The following PDCL2 variants were observed in gnomAD, a reference collection of about 807,000 sequenced individuals.
The protein encoded by PDCL2 is phosducin-like protein 2.
PDCL2 carries 23 observed loss-of-function variants against 30.3 expected under a neutral mutation model. That is an observed-to-expected ratio of 0.76 (90% CI 0.55 to 1.08). The LOEUF is 1.08. Among genes scored for constraint, PDCL2 ranks in the 50% least tolerant of loss-of-function variants. The pLI is 0.00. For missense variants in PDCL2, 243 were observed against 282.3 expected (o/e 0.86, Z 1.00); for synonymous variants, 68 against 86.2 (o/e 0.79, Z 1.17).
At chr4:55,577,112 G>A (rs1222519322) in intron 3 of PDCL2, among the ~76,000 whole-genome samples, 1 of 152,166 alleles carries the variant, frequency 6.6e-6, no homozygotes, top group African/African-American at 2.4e-5. Context: ...GGCCAGGCTG[G>A]TTCGAACTCC....
At chr4:55,571,876 A>G (rs1732435460) in intron 3 of PDCL2, among the ~76,000 whole-genome samples, 1 of 151,322 alleles carries the variant, frequency 6.6e-6, no homozygotes, top group South Asian at 2.1e-4. Context: ...ACTGGCCCAG[A>G]TATTTGGAAC....
chr4:55,583,889 G>A (rs978369826), intron 1 of PDCL2, among the ~76,000 whole-genome samples: 2 of 152,142 alleles, frequency 1.3e-5, no homozygotes, highest in Non-Finnish European at 2.9e-5. Flanking sequence ...GCTATTCAGA[G>A]TTTTTTGTAG....
intron 5 of PDCL2, among the ~76,000 whole-genome samples, chr4:55,558,608 C>G (rs893424088): frequency 6.6e-6 from 1 of 152,120 alleles, no homozygotes; most frequent in African/African-American, 2.4e-5. Flanking sequence ...TCAAATGATA[C>G]ACAAAAGCCC....
chr4:55,578,909 T>C (rs1234711045), intron 3 of PDCL2, among the ~76,000 whole-genome samples: 1 of 152,216 alleles, frequency 6.6e-6, no homozygotes, highest in Non-Finnish European at 1.5e-5. Flanking sequence ...TCACTGGATC[T>C]TACCCATAGG....
At chr4:55,565,141 A>G (rs911415554) in intron 4 of PDCL2, among the ~76,000 whole-genome samples, 1 of 152,020 alleles carries the variant, frequency 6.6e-6, no homozygotes, top group African/African-American at 2.4e-5. Context: ...TTCCTCAATT[A>G]CTCCTGCAGG....
intron 3 of PDCL2, among the ~76,000 whole-genome samples, chr4:55,578,026 C>T (rs954494027): frequency 7.9e-5 from 12 of 152,086 alleles, no homozygotes; most frequent in Non-Finnish European, 1.6e-4. Flanking sequence ...TTTGTGCTGG[C>T]GATCATTCTG....
In PDCL2 at chr4:55,569,727, T is replaced by C. The variant is rs1233766933; in HGVS notation, c.353A>G (p.Tyr118Cys). The change falls in exon 4 of 6, where the codon TAC (tyrosine) becomes TGC (cysteine). Residue 118 changes from tyrosine to cysteine, a missense_variant. Physicochemically the swap from Tyr to Cys is radical, Grantham distance 194. Transcript: ENST00000295645. ...ATATTATGGTAATTACCTTGATCTG[T>C]ATAGATGAATTATAACCCACACATC... ...EEDVWVIIHL[Y>C]RSSIPMCLLV... The C allele has an allele frequency of 6.5e-7, 1 of 1,548,150 alleles. No individual in the cohort carries two copies. The highest frequency in any genetic ancestry group is 8.7e-7 in the Non-Finnish European group (1 of 1,145,646).
intron 5 of PDCL2, among the ~76,000 whole-genome samples, chr4:55,561,423 T>C (rs532164156): frequency 6.6e-6 from 1 of 151,828 alleles, no homozygotes; most frequent in Admixed American, 6.6e-5. Context: ...ATTAGCCAGG[T>C]GTGGTGGTGG....
At position 55,569,760 on chromosome 4, in the gene PDCL2, G is replaced by T; in HGVS notation, c.320C>A (p.Ala107Glu). The change falls in exon 4 of 6, where the codon GCA (alanine) becomes GAA (glutamate). Residue 107 changes from alanine to glutamate, a missense_variant. By Grantham distance (107) the Ala-to-Glu change is moderately radical. Coordinates refer to ENST00000295645, the MANE Select transcript of PDCL2 (RefSeq NM_152401.3). ...GNQYVNEVTN[A>E]EEDVWVIIHL... ...AATTATAACCCACACATCTTCTTCT[G>T]CATTTGTGACTTCATTCACATACTG... 6.4e-7 allele frequency: 1 copy of T among 1,565,410 alleles called. No individual in the cohort carries two copies. The highest frequency in any genetic ancestry group is 8.7e-7 in the Non-Finnish European group (1 of 1,154,544).
intron 5 of PDCL2, among the ~76,000 whole-genome samples, chr4:55,558,970 G>A (rs1732053676): frequency 6.6e-6 from 1 of 151,906 alleles, no homozygotes; most frequent in Admixed American, 6.6e-5. Flanking sequence ...ATGACAAAAT[G>A]GACAAAGTAT....
At chr4:55,581,195 T>A (rs1732700558) in intron 2 of PDCL2, among the ~76,000 whole-genome samples, 1 of 152,102 alleles carries the variant, frequency 6.6e-6, no homozygotes, top group Non-Finnish European at 1.5e-5. Flanking sequence ...CTCGGGAGGC[T>A]GAGGCAGGAG....
At position 55,592,187 on chromosome 4, in the gene PDCL2, C is replaced by T; in HGVS notation, c.-78G>A. ...GCCACGGATGGAGACCCGCAGCCTT[C>T]TCCAGGCTGGAAGAGCGCCCGCTTC... On this transcript the variant is annotated 5_prime_UTR_variant, in exon 1 of 6. Coordinates refer to ENST00000295645, the MANE Select transcript of PDCL2 (RefSeq NM_152401.3). 5 of 1,578,090 alleles carry T rather than the reference C, an allele frequency of 3.2e-6. No individual in the cohort carries two copies. Among genetic ancestry groups the T allele is most frequent in the Non-Finnish European group, 3.4e-6 (4 of 1,161,952 alleles).
chr4:55,573,607 C>T (rs535817002), intron 3 of PDCL2, among the ~76,000 whole-genome samples: 95 of 151,990 alleles, frequency 6.3e-4, no homozygotes, highest in African/African-American at 2.2e-3. Flanking sequence ...AAAAATTAGC[C>T]GGGCGTGGTA....
intron 3 of PDCL2, among the ~76,000 whole-genome samples, chr4:55,575,352 T>C (rs1472837991): frequency 1.4e-5 from 2 of 146,796 alleles, no homozygotes; most frequent in African/African-American, 5.1e-5. Context: ...ATAGGACAAC[T>C]GCAATGATCA....
intron 4 of PDCL2, among the ~76,000 whole-genome samples, chr4:55,563,072 C>T (rs28514423): frequency 0.41 from 63,019 of 152,004 alleles, 14,664 homozygotes; most frequent in African/African-American, 0.63. Context: ...TTCTTCCAGT[C>T]TTTGGAATCC....
At chr4:55,573,584 T>C (rs1436697496) in intron 3 of PDCL2, among the ~76,000 whole-genome samples, 2 of 151,976 alleles carry the variant, frequency 1.3e-5, no homozygotes, top group African/African-American at 2.4e-5. Flanking sequence ...ATGCTGTCTC[T>C]ACCAAAAAAT....
At chr4:55,565,988 T>G (rs1430163344) in intron 4 of PDCL2, among the ~76,000 whole-genome samples, 4 of 136,616 alleles carry the variant, frequency 2.9e-5, no homozygotes, top group Non-Finnish European at 4.7e-5. Context: ...TTTTTTTTTT[T>G]TTTTTTTTTT....
intron 1 of PDCL2, 95 bp from the exon 2 acceptor site, chr4:55,582,332 A>G: frequency 2.3e-6 from 3 of 1,330,588 alleles, no homozygotes; most frequent in Middle Eastern, 1.9e-4. Flanking sequence ...CAAGTATTCA[A>G]TTGTTCATGA....
At chr4:55,588,859 T>C (rs1377202576) in intron 1 of PDCL2, among the ~76,000 whole-genome samples, 1 of 125,402 alleles carries the variant, frequency 8.0e-6, no homozygotes, top group African/African-American at 3.1e-5. Flanking sequence ...TCAGTATTTA[T>C]AAGTACTTTT....
Sources: allele counts gnomAD v4.1 joint callset (sites outside exome capture counted in the v4.1 genomes callset), GRCh38; gene constraint gnomAD v4.1.1; transcripts MANE v1.5; gene names NCBI Gene and HGNC (gene_info 2026-07-23, HGNC 2026-07-21).